Variants in ARFGEF1 observed in about 807,000 individuals in gnomAD.
ARFGEF1 encodes the protein brefeldin A-inhibited guanine nucleotide-exchange protein 1.
Under a neutral mutation model 231.0 loss-of-function variants are expected in ARFGEF1, and 42 were observed. The ratio of observed to expected loss-of-function variants is 0.18; its 90% confidence interval spans 0.14 to 0.24. The LOEUF is 0.24. Ranked by LOEUF, ARFGEF1 falls within the 10% of genes least tolerant of loss-of-function variation. The pLI, the probability that ARFGEF1 is intolerant of heterozygous loss-of-function variation, is 1.00. For synonymous variants in ARFGEF1, 710 were observed against 732.3 expected (o/e 0.97, Z 0.49); for missense variants, 1,345 against 2,192.0 (o/e 0.61, Z 7.72).
At chr8:67,335,101 A>T (rs891683233) in intron 1 of ARFGEF1, among the ~76,000 whole-genome samples, 7 of 132,368 alleles carry the variant, frequency 5.3e-5, no homozygotes, top group African/African-American at 1.2e-4. Context: ...ATCACGGTAA[A>T]TTTTTTTTTT....
In ARFGEF1 at chr8:67,199,249, C is replaced by A; in HGVS notation, c.5386-151G>T. On this transcript the variant is annotated intron_variant, in intron 38 of 38. Coordinates refer to ENST00000262215, the MANE Select transcript of ARFGEF1 (RefSeq NM_006421.5). ...GACTCTGGTTTGTGGAACTGAGAGA[C>A]AGAAGTGTTAGAAAAACTCACTTCA... The A allele has an allele frequency of 2.4e-6, 2 of 816,732 alleles. 1 individual carries two copies. The highest frequency in any genetic ancestry group is 7.6e-4 in the Middle Eastern group (2 of 2,646). 50.6% of individuals were successfully genotyped at this position (816,732 alleles called of 1,614,324 possible).
chr8:67,237,993 T>C (rs1018852054), intron 22 of ARFGEF1, among the ~76,000 whole-genome samples: 9 of 152,228 alleles, frequency 5.9e-5, no homozygotes, highest in African/African-American at 2.2e-4. Context: ...GGCCTGCTCA[T>C]TGCTTTAACA....
At chr8:67,309,338 A>T (rs1806888238) in intron 1 of ARFGEF1, among the ~76,000 whole-genome samples, 1 of 152,246 alleles carries the variant, frequency 6.6e-6, no homozygotes, top group Non-Finnish European at 1.5e-5. Flanking sequence ...AGCTTTAGTG[A>T]TCTGTTACAT....
At chr8:67,271,212 TA>T (rs965200685) in intron 10 of ARFGEF1, among the ~76,000 whole-genome samples, 7 of 150,540 alleles carry the variant, frequency 4.6e-5, no homozygotes, top group South Asian at 2.1e-4. Flanking sequence ...ATATATACAT[TA>T]AAAAAAAAGT....
At chr8:67,180,036 A>AG in intron 5 of ARFGEF1, 1 of 549,548 alleles carries the variant, frequency 1.8e-6, no homozygotes, top group Non-Finnish European at 3.1e-6. Flanking sequence ...AAAAAAAAAA[A>AG]GGAATATTCT....
At chr8:67,218,819 AAAG>A (rs1182503322) in intron 30 of ARFGEF1, among the ~76,000 whole-genome samples, 9 of 152,360 alleles carry the variant, frequency 5.9e-5, no homozygotes, top group African/African-American at 1.4e-4. Context: ...TCAATATAAA[AAAG>A]AAGTCACTAT....
intron 1 of ARFGEF1, among the ~76,000 whole-genome samples, chr8:67,329,577 A>T (rs1047005115): frequency 1.2e-4 from 17 of 147,346 alleles, no homozygotes; most frequent in African/African-American, 2.8e-4. Context: ...AATAAATAAA[A>T]AGAATTTTTT....
At chr8:67,184,572 A>C (rs942702802) in intron 5 of ARFGEF1, among the ~76,000 whole-genome samples, 3 of 151,356 alleles carry the variant, frequency 2.0e-5, no homozygotes, top group African/African-American at 7.3e-5. Context: ...TAAAAATATA[A>C]AGATTAGCTG....
At chr8:67,284,911 C>T (rs1805687341) in intron 7 of ARFGEF1, among the ~76,000 whole-genome samples, 1 of 152,090 alleles carries the variant, frequency 6.6e-6, no homozygotes, top group Non-Finnish European at 1.5e-5. Context: ...GAAGGTGAAC[C>T]TGGAACATCT....
chr8:67,195,500 T>C (rs2129576668), downstream of ARFGEF1: 1 of 1,614,166 alleles, frequency 6.2e-7, no homozygotes, highest in Non-Finnish European at 8.5e-7. Flanking sequence ...CGCTGAAACG[T>C]TTCATGGCAG....
intron 33 of ARFGEF1, among the ~76,000 whole-genome samples, chr8:67,214,609 T>C (rs1029730419): frequency 1.3e-5 from 2 of 152,100 alleles, no homozygotes. Flanking sequence ...GCCAAAGAGA[T>C]TAGGTATATA....
At chr8:67,279,403 G>C (rs187511411) in intron 7 of ARFGEF1, among the ~76,000 whole-genome samples, 1 of 152,170 alleles carries the variant, frequency 6.6e-6, no homozygotes, top group East Asian at 1.9e-4. Context: ...CCTCCACTAA[G>C]TATTTTAACA....
At chr8:67,269,645 C>A (rs1288118914) in intron 10 of ARFGEF1, among the ~76,000 whole-genome samples, 2 of 152,008 alleles carry the variant, frequency 1.3e-5, no homozygotes, top group Non-Finnish European at 2.9e-5. Context: ...GCCACTGTGC[C>A]CGGTGCTCAA....
chr8:67,268,575 T>A lies in ARFGEF1; in HGVS notation c.1573-1133A>T, dbSNP rs576853900. ...CATAATTATCTCCGCAAAGCTGGGTTTTGGTAGTTGCTATGATAAAAAACC... is the reference window on the plus strand; with the variant it reads ...CATAATTATCTCCGCAAAGCTGGGTATTGGTAGTTGCTATGATAAAAAACC... On this transcript the variant is annotated intron_variant, in intron 10 of 38. Coordinates refer to ENST00000262215, the MANE Select transcript of ARFGEF1 (RefSeq NM_006421.5). 9.9e-5 allele frequency among the ~76,000 whole-genome samples: 15 copies of A among 152,266 alleles called. No homozygotes were observed. The South Asian group carries it at 3.1e-3, about 32-fold the overall frequency.
At chr8:67,335,397 G>A (rs971052908) in intron 1 of ARFGEF1, among the ~76,000 whole-genome samples, 4 of 152,120 alleles carry the variant, frequency 2.6e-5, no homozygotes, top group Non-Finnish European at 5.9e-5. Context: ...CAGCCACCAC[G>A]CCGGGCCCCG....
chr8:67,293,476 G>A (rs559057903), intron 5 of ARFGEF1, among the ~76,000 whole-genome samples: 5 of 152,174 alleles, frequency 3.3e-5, no homozygotes, highest in Admixed American at 3.3e-4. Flanking sequence ...CAAAACCACT[G>A]TTTGTGGCTG....
chr8:67,301,360 T>G lies in ARFGEF1; in HGVS notation c.176A>C (p.Lys59Thr). 6.2e-7 allele frequency: 1 copy of G among 1,613,410 alleles called. No homozygotes were observed. Among genetic ancestry groups the G allele is most frequent in the Non-Finnish European group, 8.5e-7 (1 of 1,179,814 alleles). The change falls in exon 3 of 39, where the codon AAA becomes ACA. Residue 59 changes from lysine (K) to threonine (T), a missense_variant. Around this residue, in one of 14 missense-constraint regions of ARFGEF1, gnomAD observed 398 missense variants for 463.2 expected, o/e 0.86. Coordinates refer to ENST00000262215, the MANE Select transcript of ARFGEF1 (RefSeq NM_006421.5). ...EKQSPPHGEA[K>T]AGSSTLPPVK... Reference sequence around the variant, plus strand: ...TGGTGGAAGGGTGCTTGATCCAGCTTTTGCTTCTCCATGAGGAGGACTAAA... The same window carrying G: ...TGGTGGAAGGGTGCTTGATCCAGCTGTTGCTTCTCCATGAGGAGGACTAAA...
intron 1 of ARFGEF1, among the ~76,000 whole-genome samples, chr8:67,321,370 G>A (rs1287945408): frequency 6.6e-6 from 1 of 152,220 alleles, no homozygotes; most frequent in East Asian, 1.9e-4. Flanking sequence ...CTCCAGTAAT[G>A]TGACGTAGTT....
At chr8:67,311,104 G>A (rs1807008935) in intron 1 of ARFGEF1, among the ~76,000 whole-genome samples, 1 of 148,824 alleles carries the variant, frequency 6.7e-6, no homozygotes, top group Non-Finnish European at 1.5e-5. Context: ...CCGTCCGGGA[G>A]GGAGGTGGGG....
Sources: allele counts gnomAD v4.1 joint callset (sites outside exome capture counted in the v4.1 genomes callset), GRCh38; gene constraint gnomAD v4.1.1; regional missense constraint gnomAD v4.1.1; transcripts MANE v1.5; gene names NCBI Gene and HGNC (gene_info 2026-07-23, HGNC 2026-07-21).